SEMA3C: variants seen among roughly 807,000 people sequenced by gnomAD.
SEMA3C encodes the protein semaphorin 3C.
In SEMA3C, 47 loss-of-function variants were observed where a neutral mutation model predicts 89.4. That is an observed-to-expected ratio of 0.53 (90% CI 0.42 to 0.67). The LOEUF (loss-of-function observed/expected upper bound fraction) is 0.67. SEMA3C is among the 30% of genes least tolerant of loss of function. SEMA3C has a pLI of 0.00. For missense variants in SEMA3C, 839 were observed against 929.1 expected, an observed-to-expected ratio of 0.90 and a Z score of 1.26; for synonymous variants, 310 against 320.2, an observed-to-expected ratio of 0.97 and a Z score of 0.34.
intron 2 of SEMA3C, among the ~76,000 whole-genome samples, chr7:80,901,211 A>C (rs758306531): frequency 6.6e-6 from 1 of 152,244 alleles, no homozygotes; most frequent in African/African-American, 2.4e-5. Context: ...TTTTGGTTTT[A>C]TCAACAATAT....
At chr7:80,848,890 A>C (rs1206905599) in intron 2 of SEMA3C, among the ~76,000 whole-genome samples, 2 of 152,038 alleles carry the variant, frequency 1.3e-5, no homozygotes, top group African/African-American at 4.8e-5. Context: ...TTTGTTATAA[A>C]ATTTAGATAG....
At chr7:80,891,441 A>C (rs1351678349) in intron 2 of SEMA3C, among the ~76,000 whole-genome samples, 1 of 151,968 alleles carries the variant, frequency 6.6e-6, no homozygotes, top group African/African-American at 2.4e-5. Flanking sequence ...ATCCCCCTTA[A>C]ATTCTGAGAA....
At chr7:80,827,371 A>C in intron 4 of SEMA3C, 54 bp downstream of exon 4, 1 of 1,474,714 alleles carries the variant, frequency 6.8e-7, no homozygotes, top group Non-Finnish European at 9.0e-7. Context: ...ATGGATTCGA[A>C]AACCAAATAT....
intron 12 of SEMA3C, among the ~76,000 whole-genome samples, chr7:80,788,674 G>A (rs1014544227): frequency 2.0e-5 from 3 of 152,118 alleles, no homozygotes; most frequent in East Asian, 1.9e-4. Context: ...ATTTGTAGAT[G>A]TATTAAAAGA....
intron 2 of SEMA3C, among the ~76,000 whole-genome samples, chr7:80,900,432 T>C (rs1040203703): frequency 5.3e-5 from 8 of 152,328 alleles, no homozygotes; most frequent in African/African-American, 1.9e-4. Flanking sequence ...ATGTTTTTAC[T>C]GTGTGTCACA....
intron 12 of SEMA3C, 26 bp from the exon 13 acceptor site, chr7:80,765,269 A>T: frequency 6.6e-7 from 1 of 1,516,102 alleles, no homozygotes; most frequent in Non-Finnish European, 9.1e-7. Context: ...AAGAAATGAG[A>T]TGTTACAATA....
intron 11 of SEMA3C, among the ~76,000 whole-genome samples, chr7:80,795,093 TC>T (rs1789030909): frequency 6.6e-6 from 1 of 152,158 alleles, no homozygotes; most frequent in South Asian, 2.1e-4. Flanking sequence ...TCACAGTTGA[TC>T]CTTCATTGGG....
chr7:80,808,032 A>T (rs562196184), intron 6 of SEMA3C, among the ~76,000 whole-genome samples: 143 of 152,290 alleles, frequency 9.4e-4, no homozygotes, highest in Middle Eastern at 3.4e-3. Context: ...CAAATGTTAA[A>T]AGTAGTATAG....
chr7:80,868,792 T>C (rs1304763638), intron 2 of SEMA3C, among the ~76,000 whole-genome samples: 2 of 152,102 alleles, frequency 1.3e-5, no homozygotes, highest in Non-Finnish European at 2.9e-5. Context: ...TGTGTGGTTA[T>C]ACAGCCCATT....
At position 80,758,493 on chromosome 7, in the gene SEMA3C, T is replaced by C. The variant is rs765572319; in HGVS notation, c.1486-5A>G. 1.2e-6 allele frequency: 2 copies of C among 1,612,902 alleles called. No individual in the cohort carries two copies. The highest frequency in any genetic ancestry group is 4.5e-5 in the East Asian group (2 of 44,868). On this transcript the variant is annotated splice_polypyrimidine_tract_variant and splice_region_variant and intron_variant, in intron 14 of 17. Transcript: ENST00000265361. ...GGAACTCACATACAACTGTTGCTAT[T>C]AAAGGAATGATGATGATTTATTTCA...
intron 12 of SEMA3C, among the ~76,000 whole-genome samples, chr7:80,778,108 CATCAAAAAATGAATT>C (rs1788593256): frequency 6.6e-6 from 1 of 151,962 alleles, no homozygotes; most frequent in Admixed American, 6.6e-5. Context: ...AGTGATAATC[CATCAAAAAATGAATT>C]ATTACCATTA....
upstream of SEMA3C, among the ~76,000 whole-genome samples, chr7:80,919,563 T>G (rs556178394): frequency 2.1e-5 from 3 of 145,234 alleles, no homozygotes; most frequent in South Asian, 6.6e-4. Flanking sequence ...TGCTGCGTTT[T>G]TTTTTTGTTT....
At chr7:80,884,200 C>G (rs1562922778) in intron 2 of SEMA3C, among the ~76,000 whole-genome samples, 1 of 152,268 alleles carries the variant, frequency 6.6e-6, no homozygotes, top group East Asian at 1.9e-4. Context: ...CTCATACAAT[C>G]AACTTGTTTC....
chr7:80,750,473 T>TATATACACACAC (rs869227686), intron 16 of SEMA3C, among the ~76,000 whole-genome samples: 76 of 55,384 alleles, frequency 1.4e-3, no homozygotes, highest in Middle Eastern at 0.012. Flanking sequence ...TATATATATA[T>TATATACACACAC]ACACACACAC....
rs111376880 is a variant in SEMA3C, at chr7:80,774,874, C to A, written c.1355-9631G>T. On this transcript the variant is annotated intron_variant, in intron 12 of 17. Coordinates refer to ENST00000265361, the MANE Select transcript of SEMA3C (RefSeq NM_006379.5). Reference sequence around the variant, plus strand: ...ACAGATATAAGGATTCATTAATAACCAAGTTGAAGAAATGTTAAGGGAGTC... The same window carrying A: ...ACAGATATAAGGATTCATTAATAACAAAGTTGAAGAAATGTTAAGGGAGTC... 4.6e-3 allele frequency among the ~76,000 whole-genome samples: 697 copies of A among 151,744 alleles called. 10 individuals carry two copies. Among genetic ancestry groups the A allele is most frequent in the African/African-American group, 0.015 (633 of 41,386 alleles).
chr7:80,909,581 T>G (rs1487844342), intron 2 of SEMA3C, among the ~76,000 whole-genome samples: 1 of 152,174 alleles, frequency 6.6e-6, no homozygotes, highest in Non-Finnish European at 1.5e-5. Context: ...TTTAGCATTT[T>G]CAGTGGCATC....
At chr7:80,753,731 A>C (rs150065286) in intron 15 of SEMA3C, among the ~76,000 whole-genome samples, 18 of 152,328 alleles carry the variant, frequency 1.2e-4, no homozygotes, top group African/African-American at 4.1e-4. Flanking sequence ...TAAACAATGA[A>C]ATCATTTTTT....
chr7:80,758,550 G>A, intron 14 of SEMA3C, 62 bp from the exon 15 acceptor site: 1 of 1,486,386 alleles, frequency 6.7e-7, no homozygotes, highest in South Asian at 1.1e-5. Context: ...CTTTCAGCAG[G>A]AACACATTAT....
intron 2 of SEMA3C, among the ~76,000 whole-genome samples, chr7:80,896,109 T>C (rs919375790): frequency 6.6e-6 from 1 of 152,180 alleles, no homozygotes; most frequent in African/African-American, 2.4e-5. Flanking sequence ...TATCTAATAT[T>C]GTAATTCATA....
Sources: allele counts gnomAD v4.1 joint callset (sites outside exome capture counted in the v4.1 genomes callset), GRCh38; gene constraint gnomAD v4.1.1; transcripts MANE v1.5; gene names NCBI Gene and HGNC (gene_info 2026-07-23, HGNC 2026-07-21).